The following PRRG4 variants were observed in gnomAD, a reference collection of about 807,000 sequenced individuals.
PRRG4 encodes the protein transmembrane gamma-carboxyglutamic acid protein 4.
A neutral mutation model predicts 20.0 loss-of-function variants in PRRG4; 12 were observed. That is an observed-to-expected ratio of 0.60 (90% CI 0.38 to 0.97). The LOEUF is 0.97. PRRG4 is among the 50% of genes least tolerant of loss of function. The pLI is 0.00. For missense variants in PRRG4, 199 were observed against 265.1 expected, an observed-to-expected ratio of 0.75 and a Z score of 1.73; for synonymous variants, 94 against 96.4, an observed-to-expected ratio of 0.98 and a Z score of 0.15.
intron 5 of PRRG4, among the ~76,000 whole-genome samples, chr11:32,841,004 T>C (rs1851072099): frequency 6.6e-6 from 1 of 151,974 alleles, no homozygotes; most frequent in Non-Finnish European, 1.5e-5. Flanking sequence ...AGCATCCCTA[T>C]TGAAATAAAA....
At chr11:32,832,479 C>CTTTTTCCTT (rs761893280) in intron 2 of PRRG4, among the ~76,000 whole-genome samples, 1 of 121,268 alleles carries the variant, frequency 8.2e-6, no homozygotes, top group Non-Finnish European at 1.6e-5. Flanking sequence ...TGGTGAAATT[C>CTTTTTCCTT]TTTTTTTTTT....
Position 32,853,846 on chromosome 11 carries a change from G to A in PRRG4, c.*319G>A. The A allele has an allele frequency of 2.3e-5, 4 of 173,596 alleles. No homozygotes were observed. The highest frequency in any genetic ancestry group is 6.0e-5 in the Admixed American group (1 of 16,656). The allele number at this position is 173,596 out of a possible 1,614,324, so 10.8% of individuals were successfully genotyped here. A position where few individuals can be genotyped will look rare whatever the true frequency, so the allele number is the denominator to read the frequency against. The stretch of plus-strand genomic sequence containing the variant: ...CCATCTCAAAAATAAAATAAAAAAA[G>A]AAAGAAAGAAAAGAAGAAGAAAAGA... On this transcript the variant is annotated 3_prime_UTR_variant, in exon 6 of 6. Coordinates refer to ENST00000257836, the MANE Select transcript of PRRG4 (RefSeq NM_024081.6).
intron 1 of PRRG4, 149 bp from the exon 2 acceptor site, chr11:32,830,359 G>A (rs1461834277): frequency 8.6e-6 from 7 of 818,530 alleles, no homozygotes; most frequent in Non-Finnish European, 8.5e-6. Flanking sequence ...CTTCCTGGGC[G>A]CGCGTCGGGT....
At position 32,830,265 on chromosome 11, in the gene PRRG4, G is replaced by T. The variant is rs113016905; in HGVS notation, c.-23+92G>T. The stretch of plus-strand genomic sequence containing the variant: ...TGGGTTGGATTCGAACACATAGCGA[G>T]GGTTGCCCGCGGCGACAGGTGCCCG... On this transcript the variant is annotated intron_variant, in intron 1 of 5. Coordinates refer to ENST00000257836, the MANE Select transcript of PRRG4 (RefSeq NM_024081.6). 5,815 of 1,015,026 alleles carry T rather than the reference G, an allele frequency of 5.7e-3. 230 individuals carry two copies. In the African/African-American group the frequency reaches 0.083, roughly 15 times the overall value. The allele number at this position is 1,015,026 out of a possible 1,614,324, so 62.9% of individuals were successfully genotyped here.
intron 2 of PRRG4, among the ~76,000 whole-genome samples, chr11:32,832,763 G>A (rs1341508971): frequency 5.3e-5 from 8 of 152,180 alleles, no homozygotes; most frequent in African/African-American, 1.2e-4. Flanking sequence ...GATTACAGGC[G>A]TGAGCTACCG....
At chr11:32,837,811 G>T (rs1202194296) in intron 3 of PRRG4, among the ~76,000 whole-genome samples, 2 of 151,934 alleles carry the variant, frequency 1.3e-5, no homozygotes, top group Non-Finnish European at 1.5e-5. Context: ...ATCTCCATCG[G>T]CCTAACAAAG....
chr11:32,844,467 C>CCAT (rs1851108258), intron 5 of PRRG4, among the ~76,000 whole-genome samples: 1 of 143,176 alleles, frequency 7.0e-6, no homozygotes, highest in African/African-American at 2.6e-5. Flanking sequence ...TAAATGTTAG[C>CCAT]TATTATTATT....
intron 3 of PRRG4, 25 bp from the exon 4 acceptor site, chr11:32,838,857 C>T (rs747565683): frequency 2.6e-6 from 4 of 1,567,270 alleles, no homozygotes; most frequent in Non-Finnish European, 3.5e-6. Flanking sequence ...ATTGAATAAA[C>T]TTGGGAATTT....
intron 5 of PRRG4, among the ~76,000 whole-genome samples, chr11:32,851,857 CATGGAGA>C (rs1851185653): frequency 1.3e-5 from 2 of 152,108 alleles, no homozygotes; most frequent in Admixed American, 6.5e-5. Flanking sequence ...ATAAGCACAT[CATGGAGA>C]ATGGCTTATC....
Position 32,840,778 on chromosome 11 carries a change from A to C in PRRG4, c.449+539A>C, listed in dbSNP as rs796307202. 1.2e-4 allele frequency among the ~76,000 whole-genome samples: 19 copies of C among 152,356 alleles called. No individual in the cohort carries two copies. The highest frequency in any genetic ancestry group is 4.3e-4 in the African/African-American group (18 of 41,592). On this transcript the variant is annotated intron_variant, in intron 5 of 5. Transcript: ENST00000257836. This position sits in a 1 kb window ranked among gnomAD's most constrained non-coding sequence, Gnocchi z 4.1. ...GTGTCTTCACATTATTTCCAGAGGC[A>C]AGAAGTCCTATAGTTTACGCTGAGT...
rs1257648941 is a variant in PRRG4, at chr11:32,858,015, A to G, written c.*4488A>G. 3 of 151,902 alleles carry G rather than the reference A, an allele frequency of 2.0e-5. No homozygotes were observed. Among genetic ancestry groups the G allele is most frequent in the Non-Finnish European group, 4.4e-5 (3 of 67,932 alleles). 9.4% of individuals were successfully genotyped at this position (151,902 alleles called of 1,614,324 possible). A position where few individuals can be genotyped will look rare whatever the true frequency, so the allele number is the denominator to read the frequency against. On this transcript the variant is annotated 3_prime_UTR_variant, in exon 6 of 6. Coordinates refer to ENST00000257836, the MANE Select transcript of PRRG4 (RefSeq NM_024081.6). ...TTTTTGTGATCTGAAAAAGCAACCCATTTTCTAAATTCATATTTTTCCTAA... is the reference window on the plus strand; with the variant it reads ...TTTTTGTGATCTGAAAAAGCAACCCGTTTTCTAAATTCATATTTTTCCTAA...
intron 5 of PRRG4, among the ~76,000 whole-genome samples, chr11:32,850,378 T>C (rs753193081): frequency 6.6e-6 from 1 of 152,204 alleles, no homozygotes; most frequent in Non-Finnish European, 1.5e-5. Flanking sequence ...GCACTGTGAT[T>C]ATGACATGTC....
At chr11:32,852,159 G>A (rs144223168) in intron 5 of PRRG4, among the ~76,000 whole-genome samples, 2 of 152,254 alleles carry the variant, frequency 1.3e-5, no homozygotes, top group Non-Finnish European at 2.9e-5. Flanking sequence ...ATGATATTTG[G>A]AGAAAGGGAA....
At chr11:32,837,212 T>A (rs185883932) in intron 3 of PRRG4, among the ~76,000 whole-genome samples, 1 of 152,294 alleles carries the variant, frequency 6.6e-6, no homozygotes, top group African/African-American at 2.4e-5. Context: ...CATTTATGAC[T>A]GAGTAATTTG....
At chr11:32,834,620 G>A (rs12798894) in intron 2 of PRRG4, among the ~76,000 whole-genome samples, 15,617 of 151,980 alleles carry the variant, frequency 0.1, 848 homozygotes, top group Non-Finnish European at 0.13. Flanking sequence ...AAACTAAAAA[G>A]TAATAGGTGA....
rs968417092 is a variant in PRRG4, at chr11:32,852,064, G to A, written c.450-1232G>A. On this transcript the variant is annotated intron_variant, in intron 5 of 5. Transcript: ENST00000257836. ...CATGTTGCATTTCATTGGCTGACAA[G>A]GTTTAGTGAAAATGGTGAGACTTGA... 1.1e-3 allele frequency among the ~76,000 whole-genome samples: 164 copies of A among 152,226 alleles called. 2 individuals are homozygous for A. Among genetic ancestry groups the A allele is most frequent in the East Asian group, 3.9e-4 (2 of 5,186 alleles).
intron 5 of PRRG4, among the ~76,000 whole-genome samples, chr11:32,844,690 G>A (rs773769835): frequency 1.3e-5 from 2 of 151,842 alleles, no homozygotes; most frequent in Non-Finnish European, 2.9e-5. Context: ...TAGTAGAGAC[G>A]AGGTTTCACC....
At chr11:32,838,993 A>G (rs974895645) in intron 4 of PRRG4, 63 bp downstream of exon 4, 1 of 1,275,146 alleles carries the variant, frequency 7.8e-7, no homozygotes, top group Non-Finnish European at 1.1e-6. Flanking sequence ...AATACATTTT[A>G]GTTTTATTGT....
chr11:32,856,662 T>A lies in PRRG4; in HGVS notation c.*3135T>A, dbSNP rs974591546. On this transcript the variant is annotated 3_prime_UTR_variant, in exon 6 of 6. Coordinates refer to ENST00000257836, the MANE Select transcript of PRRG4 (RefSeq NM_024081.6). ...TAATTAGATCAGTTTTCCACTTTAT[T>A]ACAATTAAGAAATGAGTAAAATATG... 4 of 152,164 alleles carry A rather than the reference T, an allele frequency of 2.6e-5. No individual in the cohort carries two copies. Among genetic ancestry groups the A allele is most frequent in the Admixed American group, 2.0e-4 (3 of 15,268 alleles). The allele number at this position is 152,164 out of a possible 1,614,324, so 9.4% of individuals were successfully genotyped here.
Sources: gnomAD v4.1 joint callset for allele counts (sites outside exome capture counted in the v4.1 genomes callset) on GRCh38, gnomAD v4.1.1 for gene constraint, Gnocchi (gnomAD v3.1) non-coding constraint, MANE v1.5 for transcripts, NCBI Gene and HGNC (gene_info 2026-07-23, HGNC 2026-07-21) for gene names.